Variants in DSCAM observed in about 807,000 individuals in gnomAD.
The protein encoded by DSCAM is cell adhesion molecule DSCAM.
In DSCAM, 47 loss-of-function variants were observed where a neutral mutation model predicts 217.7. That is an observed-to-expected ratio of 0.22 (90% CI 0.17 to 0.28). The LOEUF (loss-of-function observed/expected upper bound fraction) is 0.28, where lower values mean the gene tolerates loss of function less well. DSCAM is among the 10% of genes least tolerant of loss of function. The probability of loss-of-function intolerance (pLI) is 1.00; values close to 1 mark genes in which losing one functional copy is unlikely to be tolerated. For synonymous variants in DSCAM, 1,056 were observed against 1,015.3 expected, an observed-to-expected ratio of 1.04 and a Z score of -0.76; for missense variants, 2,080 against 2,618.3, an observed-to-expected ratio of 0.79 and a Z score of 4.49.
At chr21:40,451,759 T>C (rs1397136461) in intron 3 of DSCAM, among the ~76,000 whole-genome samples, 1 of 152,186 alleles carries the variant, frequency 6.6e-6, no homozygotes, top group Non-Finnish European at 1.5e-5. Flanking sequence ...CAGAAACTAT[T>C]TGGATTATTA....
At chr21:40,723,094 T>C (rs1053370103) in intron 1 of DSCAM, among the ~76,000 whole-genome samples, 5 of 151,782 alleles carry the variant, frequency 3.3e-5, no homozygotes, top group Admixed American at 3.3e-4. Flanking sequence ...CTCGCTCTTT[T>C]TTTTTTTTTT....
chr21:40,137,612 C>CAT (rs1248513873), intron 18 of DSCAM, among the ~76,000 whole-genome samples: 79 of 109,644 alleles, frequency 7.2e-4, no homozygotes, highest in Middle Eastern at 4.9e-3. Context: ...CACACACACA[C>CAT]ACACACACAC....
chr21:40,021,107 A>C (rs1405494889), intron 32 of DSCAM, among the ~76,000 whole-genome samples: 1 of 149,478 alleles, frequency 6.7e-6, no homozygotes, highest in African/African-American at 2.5e-5. Flanking sequence ...AGACACACAG[A>C]GAGAGAGAGA....
intron 11 of DSCAM, among the ~76,000 whole-genome samples, chr21:40,212,929 G>A (rs1475569331): frequency 2.0e-5 from 3 of 152,194 alleles, no homozygotes. Context: ...CTGGAGTGAG[G>A]CAGCCACAGG....
intron 3 of DSCAM, among the ~76,000 whole-genome samples, chr21:40,438,772 T>C (rs1054562858): frequency 1.3e-5 from 2 of 152,174 alleles, no homozygotes; most frequent in African/African-American, 4.8e-5. Flanking sequence ...AGCAGACCTT[T>C]CATCTCTCAC....
At chr21:40,530,660 C>T (rs964981390) in intron 3 of DSCAM, among the ~76,000 whole-genome samples, 1 of 152,102 alleles carries the variant, frequency 6.6e-6, no homozygotes, top group East Asian at 1.9e-4. Context: ...TTGGAAATCC[C>T]AGGACACTTC....
rs111384789 is a variant in DSCAM at position 40,388,642 on chromosome 21, C to G, written c.509-19397G>C. On this transcript the variant is annotated intron_variant, in intron 3 of 32. Coordinates refer to ENST00000400454, the MANE Select transcript of DSCAM (RefSeq NM_001389.5). Reference sequence around the variant, plus strand: ...CACGGGAGTTAAGGCCATTTTAAACCCCCCCTCCTCCACTGATAAACCAGC... The same window carrying G: ...CACGGGAGTTAAGGCCATTTTAAACGCCCCCTCCTCCACTGATAAACCAGC... Among the ~76,000 whole-genome samples, 290 of 149,846 alleles carry G rather than the reference C, an allele frequency of 1.9e-3. 2 individuals are homozygous for G. Among genetic ancestry groups the G allele is most frequent in the African/African-American group, 5.0e-3 (205 of 41,278 alleles).
At chr21:40,361,264 T>C (rs2837577) in intron 4 of DSCAM, among the ~76,000 whole-genome samples, 111,132 of 152,038 alleles carry the variant, frequency 0.73, 41,075 homozygotes, top group African/African-American at 0.83. Context: ...CTTTTCTATT[T>C]TTCGTCATGT....
At chr21:40,443,139 T>C (rs921180354) in intron 3 of DSCAM, among the ~76,000 whole-genome samples, 2 of 152,228 alleles carry the variant, frequency 1.3e-5, no homozygotes, top group African/African-American at 4.8e-5. Flanking sequence ...AGGAAGGCTA[T>C]GTGGATCTTC....
intron 3 of DSCAM, among the ~76,000 whole-genome samples, chr21:40,519,218 G>A (rs1286028687): frequency 6.6e-6 from 1 of 152,122 alleles, no homozygotes; most frequent in Non-Finnish European, 1.5e-5. Flanking sequence ...TTATGTGTGA[G>A]CTTGGCTAGG....
chr21:40,324,739 T>C (rs1040695092), intron 8 of DSCAM, among the ~76,000 whole-genome samples: 3 of 152,192 alleles, frequency 2.0e-5, no homozygotes, highest in African/African-American at 4.8e-5. Flanking sequence ...TACAGAAGAC[T>C]GTAATAAAAC....
chr21:40,056,905 C>T (rs149841052), intron 28 of DSCAM, among the ~76,000 whole-genome samples: 5,453 of 152,242 alleles, frequency 0.036, 165 homozygotes, highest in African/African-American at 0.078. Context: ...GAGCCATTTA[C>T]CCCGAGTCCC....
At chr21:40,558,836 T>C (rs2076693426) in intron 3 of DSCAM, among the ~76,000 whole-genome samples, 1 of 152,232 alleles carries the variant, frequency 6.6e-6, no homozygotes, top group African/African-American at 2.4e-5. Flanking sequence ...AGCTTGATTA[T>C]TCTTGACAGG....
chr21:40,696,211 G>A (rs1226680327), intron 2 of DSCAM, among the ~76,000 whole-genome samples: 1 of 151,928 alleles, frequency 6.6e-6, no homozygotes, highest in Non-Finnish European at 1.5e-5. Flanking sequence ...CTCAAAGCAG[G>A]GACAGCACTG....
Position 40,211,600 on chromosome 21 carries a change from A to C in DSCAM, c.2357-22362T>G, listed in dbSNP as rs2091184528. Among the ~76,000 whole-genome samples the C allele has an allele frequency of 2.6e-5, 4 of 152,214 alleles. No homozygotes were observed. The South Asian group carries it at 6.2e-4, about 24-fold the overall frequency. ...TGTTCTCATAAATGTGTAGCCAGGC[A>C]TGCATTTTTGATGTGTAGACCTATC... On this transcript the variant is annotated intron_variant, in intron 11 of 32. Coordinates refer to ENST00000400454, the MANE Select transcript of DSCAM (RefSeq NM_001389.5).
intron 11 of DSCAM, among the ~76,000 whole-genome samples, chr21:40,213,706 G>A (rs1330852525): frequency 2.0e-5 from 3 of 152,164 alleles, no homozygotes; most frequent in South Asian, 4.1e-4. Context: ...AGGATGCCAG[G>A]GATGGAGGGG....
At chr21:40,284,116 A>G (rs2073797260) in intron 10 of DSCAM, among the ~76,000 whole-genome samples, 2 of 152,228 alleles carry the variant, frequency 1.3e-5, no homozygotes, top group Admixed American at 6.5e-5. Context: ...GGGTAAAAAG[A>G]TAGAGGTTGC....
intron 30 of DSCAM, among the ~76,000 whole-genome samples, chr21:40,045,344 A>T (rs1419949468): frequency 1.3e-5 from 2 of 152,230 alleles, no homozygotes; most frequent in East Asian, 3.8e-4. Flanking sequence ...CATCTCTTCA[A>T]TAGAATTGTC....
chr21:40,551,192 C>T (rs895034386), intron 3 of DSCAM, among the ~76,000 whole-genome samples: 3 of 152,176 alleles, frequency 2.0e-5, no homozygotes, highest in African/African-American at 7.2e-5. Context: ...TGGTTTTACA[C>T]GTCTTAGGGA....
Sources: gnomAD v4.1 joint callset for allele counts (sites outside exome capture counted in the v4.1 genomes callset) on GRCh38, gnomAD v4.1.1 for gene constraint, MANE v1.5 for transcripts, NCBI Gene and HGNC (gene_info 2026-07-23, HGNC 2026-07-21) for gene names.